IGF1: variants seen among roughly 807,000 people sequenced by gnomAD.
The protein encoded by IGF1 is insulin like growth factor 1.
Under a neutral mutation model 13.8 loss-of-function variants are expected in IGF1, and 4 were observed. That is an observed-to-expected ratio of 0.29 (90% CI 0.14 to 0.66). IGF1 has a LOEUF of 0.66. IGF1 is among the 30% of genes least tolerant of loss of function. IGF1 has a pLI of 0.78. For missense variants in IGF1, 124 were observed against 188.5 expected (o/e 0.66, Z 2.00); for synonymous variants, 76 against 72.6 (o/e 1.05, Z -0.23).
rs117938477 is a variant in IGF1, at chr12:102,472,308, G to A, written c.220+3335C>T. ...ATCTAGAAGGTTGCTTTCACTTGCT[G>A]TAGTGGAACTTGGGCTTGAAGGGGA... On this transcript the variant is annotated intron_variant, in intron 2 of 3. Transcript: ENST00000337514. Among the ~76,000 whole-genome samples the A allele has an allele frequency of 9.3e-4, 142 of 152,234 alleles. No homozygotes were observed. In the East Asian group the frequency reaches 0.025, roughly 27 times the overall value.
At chr12:102,459,917 C>A (rs993250316) in intron 2 of IGF1, among the ~76,000 whole-genome samples, 1 of 152,116 alleles carries the variant, frequency 6.6e-6, no homozygotes, top group African/African-American at 2.4e-5. Context: ...ATGTCTTGAA[C>A]GTAATAAAAT....
At chr12:102,417,716 C>T in intron 3 of IGF1, 2 of 1,549,802 alleles carry the variant, frequency 1.3e-6, no homozygotes, top group Non-Finnish European at 1.7e-6. Flanking sequence ...CTCCAGCAGG[C>T]CTACTTTTCT....
chr12:102,424,239 C>CTTT (rs11305762), intron 2 of IGF1, among the ~76,000 whole-genome samples: 1 of 139,118 alleles, frequency 7.2e-6, no homozygotes, highest in African/African-American at 2.6e-5. Flanking sequence ...AAGTTGATCC[C>CTTT]TTTTTTTTTT....
At chr12:102,443,153 G>A (rs927635787) in intron 2 of IGF1, among the ~76,000 whole-genome samples, 2 of 152,060 alleles carry the variant, frequency 1.3e-5, no homozygotes, top group Admixed American at 1.3e-4. Flanking sequence ...TTTCCCAATA[G>A]CTATTTTCCC....
chr12:102,463,713 T>C (rs904608912), intron 2 of IGF1, among the ~76,000 whole-genome samples: 1 of 152,212 alleles, frequency 6.6e-6, no homozygotes, highest in African/African-American at 2.4e-5. Context: ...GCAGTTCACT[T>C]TGAGTGTATG....
At chr12:102,445,548 G>T (rs1450935637) in intron 2 of IGF1, among the ~76,000 whole-genome samples, 1 of 152,086 alleles carries the variant, frequency 6.6e-6, no homozygotes, top group African/African-American at 2.4e-5. Flanking sequence ...GTCTGTTATT[G>T]GTGTATAAGA....
chr12:102,478,814 C>A (rs1881234507), intron 1 of IGF1, among the ~76,000 whole-genome samples: 1 of 152,186 alleles, frequency 6.6e-6, no homozygotes, highest in South Asian at 2.1e-4. Flanking sequence ...CACTCCCTTA[C>A]TCCCTTCCCC....
rs1447336712 is a variant in IGF1, at chr12:102,398,760, T to A, written c.*3747A>T. 6.6e-6 allele frequency: 1 copy of A among 152,154 alleles called. No individual in the cohort carries two copies. The highest frequency in any genetic ancestry group is 2.4e-5 in the African/African-American group (1 of 41,436). The allele number at this position is 152,154 out of a possible 1,614,324, so 9.4% of individuals were successfully genotyped here. A position where few individuals can be genotyped will look rare whatever the true frequency, so the allele number is the denominator to read the frequency against. On this transcript the variant is annotated 3_prime_UTR_variant, in exon 4 of 4. Transcript: ENST00000337514. ...CTATAGAATTGTTGTTTTTATACTT[T>A]AAAAAAATATGTCTATGCTTTCTTT...
rs1308758107 is a variant in IGF1, at chr12:102,397,853, A to C, written c.*4654T>G. 2 of 152,322 alleles carry C rather than the reference A, an allele frequency of 1.3e-5. No homozygotes were observed. The highest frequency in any genetic ancestry group is 3.9e-4 in the East Asian group (2 of 5,192). 9.4% of individuals were successfully genotyped at this position (152,322 alleles called of 1,614,324 possible). A position where few individuals can be genotyped will look rare whatever the true frequency, so the allele number is the denominator to read the frequency against. On this transcript the variant is annotated 3_prime_UTR_variant, in exon 4 of 4. Transcript: ENST00000337514. Reference sequence around the variant, plus strand: ...TGGAAAGATTCTTTCTTCTGAGGAGAGCCAAACAGGTTCTGCTCTAATAAA... The same window carrying C: ...TGGAAAGATTCTTTCTTCTGAGGAGCGCCAAACAGGTTCTGCTCTAATAAA...
intron 2 of IGF1, chr12:102,463,336 A>G (rs150185701): frequency 6.6e-6 from 1 of 152,360 alleles, no homozygotes; most frequent in Non-Finnish European, 1.5e-5. Context: ...AGGAAAATTT[A>G]AGCTTCTTCA....
intron 2 of IGF1, among the ~76,000 whole-genome samples, chr12:102,426,001 A>C (rs1452797046): frequency 2.6e-5 from 4 of 152,212 alleles, no homozygotes; most frequent in African/African-American, 9.6e-5. Context: ...AAATGCCAAG[A>C]GGTCATTTTT....
chr12:102,434,394 G>A (rs966530868), intron 2 of IGF1, among the ~76,000 whole-genome samples: 4 of 149,568 alleles, frequency 2.7e-5, no homozygotes, highest in African/African-American at 9.9e-5. Flanking sequence ...ATGAGAACAT[G>A]CGGTGTTTGG....
rs17882564 is a variant in IGF1, at chr12:102,409,942, G to A, written c.403-7376C>T. Among the ~76,000 whole-genome samples the A allele has an allele frequency of 2.7e-3, 408 of 152,254 alleles. 1 individual carries two copies. The highest frequency in any genetic ancestry group is 4.4e-3 in the Non-Finnish European group (300 of 68,022). The stretch of plus-strand genomic sequence containing the variant: ...ATGCTAGAGTGCTGCCCTTTCTCTG[G>A]CTGAATGTGGGGAAACAGTAGCTAG... On this transcript the variant is annotated intron_variant, in intron 3 of 3. Transcript: ENST00000337514.
At chr12:102,458,000 A>G (rs1205465593) in intron 2 of IGF1, among the ~76,000 whole-genome samples, 1 of 152,190 alleles carries the variant, frequency 6.6e-6, no homozygotes, top group East Asian at 1.9e-4. Flanking sequence ...ACATTGAAAA[A>G]TAATGACTTT....
At chr12:102,428,107 C>T (rs1291484393) in intron 2 of IGF1, among the ~76,000 whole-genome samples, 1 of 151,396 alleles carries the variant, frequency 6.6e-6, no homozygotes, top group African/African-American at 2.4e-5. Flanking sequence ...ACAAGTCACC[C>T]AAATTCTCTG....
chr12:102,447,708 C>CTG (rs1878482811), intron 2 of IGF1, among the ~76,000 whole-genome samples: 1 of 152,048 alleles, frequency 6.6e-6, no homozygotes, highest in Non-Finnish European at 1.5e-5. Context: ...GGGCATTTAG[C>CTG]CCATTTCCAT....
At chr12:102,422,854 T>C (rs1369460712) in intron 2 of IGF1, among the ~76,000 whole-genome samples, 1 of 152,166 alleles carries the variant, frequency 6.6e-6, no homozygotes, top group East Asian at 1.9e-4. Context: ...AGCTGGTAGG[T>C]GAATGAAAAA....
intron 2 of IGF1, among the ~76,000 whole-genome samples, 163 bp downstream of exon 2, chr12:102,475,480 C>T (rs540185318): frequency 1.5e-4 from 23 of 152,060 alleles, no homozygotes; most frequent in African/African-American, 4.8e-4. Context: ...GCCAAAGTCC[C>T]GCCAAAACAC....
chr12:102,420,709 T>C (rs1402702169), intron 2 of IGF1, among the ~76,000 whole-genome samples: 1 of 152,220 alleles, frequency 6.6e-6, no homozygotes, highest in Non-Finnish European at 1.5e-5. Flanking sequence ...AATGTCCATC[T>C]TTCATGTGAT....
Sources: gnomAD v4.1 joint callset for allele counts (sites outside exome capture counted in the v4.1 genomes callset) on GRCh38, gnomAD v4.1.1 for gene constraint, MANE v1.5 for transcripts, NCBI Gene and HGNC (gene_info 2026-07-23, HGNC 2026-07-21) for gene names.